DNAH6: variants seen among roughly 807,000 people sequenced by gnomAD.
DNAH6 encodes axonemal beta dynein heavy chain 6.
Under a neutral mutation model 491.4 loss-of-function variants are expected in DNAH6, and 340 were observed. The ratio of observed to expected loss-of-function variants is 0.69; its 90% confidence interval spans 0.63 to 0.76. DNAH6 has a LOEUF of 0.76. DNAH6 is among the 30% of genes least tolerant of loss of function. The probability of loss-of-function intolerance (pLI) is 0.00; values close to 1 mark genes in which losing one functional copy is unlikely to be tolerated. For missense variants in DNAH6, 4,443 were observed against 4,972.2 expected (o/e 0.89, Z 3.20); for synonymous variants, 1,603 against 1,686.1 (o/e 0.95, Z 1.21).
intron 63 of DNAH6, among the ~76,000 whole-genome samples, chr2:84,751,659 C>T (rs927053995): frequency 2.0e-5 from 3 of 152,142 alleles, no homozygotes; most frequent in African/African-American, 7.2e-5. Flanking sequence ...AAAAAACTAC[C>T]GTAATTCAGA....
chr2:84,722,824 TA>T lies in DNAH6; in HGVS notation c.9972+22del. The T allele has an allele frequency of 7.2e-7, 1 of 1,385,094 alleles. No individual in the cohort carries two copies. The highest frequency in any genetic ancestry group is 9.6e-7 in the Non-Finnish European group (1 of 1,044,846). 85.8% of individuals were successfully genotyped at this position (1,385,094 alleles called of 1,614,324 possible). On this transcript the variant is annotated intron_variant, in intron 60 of 76. Coordinates refer to ENST00000389394, the MANE Select transcript of DNAH6 (RefSeq NM_001370.2). Reference sequence around the variant, plus strand: ...AAACAGGTAAGTGTGTTCATGTTGTTAATGACAGTCATCTCTTTGGCCTCCA... The same window carrying T: ...AAACAGGTAAGTGTGTTCATGTTGTTATGACAGTCATCTCTTTGGCCTCCA...
rs535195265 is a variant in DNAH6, at chr2:84,625,033, C to T, written c.4485C>T (p.Val1495=). The stretch of plus-strand genomic sequence containing the variant: ...AAGCTCTTGCCATCCAGTGTGTGGT[C>T]TTTAACTGTTCAGATGGTTTGGACT... The part of the protein sequence containing the change: ...LAKALAIQCV[V]FNCSDGLDYK... Residue 1495 remains valine, a synonymous_variant, in exon 29 of 77, where the codon GTC becomes GTT. Coordinates refer to ENST00000389394, the MANE Select transcript of DNAH6 (RefSeq NM_001370.2). 6.5e-7 allele frequency: 1 copy of T among 1,550,184 alleles called. No homozygotes were observed. Among genetic ancestry groups the T allele is most frequent in the Non-Finnish European group, 8.7e-7 (1 of 1,146,462 alleles).
At chr2:84,627,063 G>A (rs1687949089) in intron 29 of DNAH6, among the ~76,000 whole-genome samples, 2 of 152,190 alleles carry the variant, frequency 1.3e-5, no homozygotes, top group Non-Finnish European at 2.9e-5. Context: ...CTTTGAGACC[G>A]TGGTTCTGAG....
intron 11 of DNAH6, among the ~76,000 whole-genome samples, chr2:84,569,784 G>A (rs573811601): frequency 6.6e-6 from 1 of 152,222 alleles, no homozygotes; most frequent in South Asian, 2.1e-4. Flanking sequence ...TAAATATATT[G>A]TGAATGATGA....
chr2:84,637,441 T>A, intron 31 of DNAH6, 64 bp downstream of exon 31: 8 of 1,445,198 alleles, frequency 5.5e-6, no homozygotes, highest in Non-Finnish European at 7.3e-6. Context: ...CATTCGATTC[T>A]ATCAAGGTAG....
chr2:84,674,009 CT>C (rs1322398098), intron 40 of DNAH6, among the ~76,000 whole-genome samples: 1 of 152,186 alleles, frequency 6.6e-6, no homozygotes, highest in African/African-American at 2.4e-5. Flanking sequence ...CCTAGGTTAA[CT>C]GTCCCATTTC....
At chr2:84,761,604 T>C (rs1674585656) in intron 63 of DNAH6, among the ~76,000 whole-genome samples, 1 of 152,170 alleles carries the variant, frequency 6.6e-6, no homozygotes, top group Non-Finnish European at 1.5e-5. Context: ...CCCTATTGCA[T>C]AGCTGTTCCT....
At chr2:84,559,408 G>GT (rs1279578323) in intron 11 of DNAH6, among the ~76,000 whole-genome samples, 1 of 152,142 alleles carries the variant, frequency 6.6e-6, no homozygotes, top group Non-Finnish European at 1.5e-5. Context: ...TACTGAAAAT[G>GT]TAAGTGCTGC....
intron 5 of DNAH6, among the ~76,000 whole-genome samples, chr2:84,544,702 A>G (rs1678604820): frequency 6.6e-6 from 1 of 152,150 alleles, no homozygotes; most frequent in Non-Finnish European, 1.5e-5. Flanking sequence ...GCAAAATGCA[A>G]AAGTATAAGA....
rs562735475 is a variant in DNAH6, at chr2:84,620,244, C to A, written c.3792+340C>A. On this transcript the variant is annotated intron_variant, in intron 24 of 76. Transcript: ENST00000389394. ...TCAGGCCACTTGGACTAAGTCCCAT[C>A]CCTTAATCTCAGCCAAAAGATGGGG... 3.3e-5 allele frequency among the ~76,000 whole-genome samples: 5 copies of A among 152,286 alleles called. No individual in the cohort carries two copies. In the South Asian group the frequency reaches 1.0e-3, roughly 32 times the overall value.
intron 64 of DNAH6, among the ~76,000 whole-genome samples, chr2:84,779,964 T>C (rs753758741): frequency 2.0e-5 from 3 of 152,198 alleles, no homozygotes; most frequent in Non-Finnish European, 4.4e-5. Context: ...TATAGTTCTG[T>C]TATCTCTTCT....
At chr2:84,524,539 A>G (rs913503690) in intron 2 of DNAH6, among the ~76,000 whole-genome samples, 4 of 151,856 alleles carry the variant, frequency 2.6e-5, no homozygotes, top group African/African-American at 9.7e-5. Context: ...TCACTGGTCT[A>G]TATACTTAAG....
intron 10 of DNAH6, among the ~76,000 whole-genome samples, chr2:84,553,953 A>G (rs761201416): frequency 1.1e-4 from 16 of 152,170 alleles, no homozygotes; most frequent in Non-Finnish European, 1.9e-4. Context: ...CGTCTGTTTC[A>G]AAGTCTTGGT....
upstream of DNAH6, chr2:84,516,469 CA>C (rs1487840029): frequency 3.3e-5 from 5 of 152,190 alleles, no homozygotes; most frequent in Non-Finnish European, 7.3e-5. Flanking sequence ...CCGTAGAGGC[CA>C]GCTGGTTGCT....
chr2:84,801,364 G>T (rs1482855330), intron 70 of DNAH6, among the ~76,000 whole-genome samples: 1 of 151,690 alleles, frequency 6.6e-6, no homozygotes, highest in Non-Finnish European at 1.5e-5. Context: ...TTGGCATGCA[G>T]ATACAAGAAA....
chr2:84,754,401 G>T (rs1012552390), intron 63 of DNAH6, among the ~76,000 whole-genome samples: 1 of 147,682 alleles, frequency 6.8e-6, no homozygotes, highest in Non-Finnish European at 1.5e-5. Flanking sequence ...GGCTGGTCTC[G>T]AACTCCTGAC....
At chr2:84,520,093 C>T (rs1171466625) in intron 2 of DNAH6, among the ~76,000 whole-genome samples, 1 of 151,842 alleles carries the variant, frequency 6.6e-6, no homozygotes, top group African/African-American at 2.4e-5. Context: ...ATTGTATTAT[C>T]CTTTTGTATT....
At chr2:84,786,416 C>G (rs1573807227) in intron 67 of DNAH6, among the ~76,000 whole-genome samples, 1 of 133,544 alleles carries the variant, frequency 7.5e-6, no homozygotes, top group Non-Finnish European at 1.6e-5. Flanking sequence ...CAGAGAAAGA[C>G]TCTGTCTCAA....
chr2:84,746,752 G>A (rs569009490), intron 63 of DNAH6, among the ~76,000 whole-genome samples: 1 of 152,274 alleles, frequency 6.6e-6, no homozygotes. Context: ...AATTTATAAA[G>A]AAAGGAGGTT....
Sources: allele counts gnomAD v4.1 joint callset (sites outside exome capture counted in the v4.1 genomes callset), GRCh38; gene constraint gnomAD v4.1.1; transcripts MANE v1.5; gene names NCBI Gene and HGNC (gene_info 2026-07-23, HGNC 2026-07-21).